Variants in NPAS2 observed in about 807,000 individuals in gnomAD.
The protein encoded by NPAS2 is neuronal PAS domain protein 2, also known as neuronal PAS domain-containing protein 2.
NPAS2 carries 23 observed loss-of-function variants against 107.5 expected under a neutral mutation model. The ratio of observed to expected loss-of-function variants is 0.21; its 90% CI spans 0.15 to 0.30. NPAS2 has a LOEUF of 0.30. NPAS2 is among the 10% of genes least tolerant of loss of function. The pLI is 1.00. For missense variants in NPAS2, 756 were observed against 1,043.3 expected, an observed-to-expected ratio of 0.72 and a Z score of 3.79; for synonymous variants, 403 against 417.5, an observed-to-expected ratio of 0.97 and a Z score of 0.42.
chr2:100,888,967 G>A (rs980269874), intron 1 of NPAS2, among the ~76,000 whole-genome samples: 2 of 152,204 alleles, frequency 1.3e-5, no homozygotes, highest in South Asian at 4.1e-4. Flanking sequence ...AGAAAAATAT[G>A]TACTTCTCTT....
chr2:100,936,658 CA>C, intron 4 of NPAS2, among the ~76,000 whole-genome samples: 1 of 152,254 alleles, frequency 6.6e-6, no homozygotes, highest in Non-Finnish European at 1.5e-5. Context: ...AGCATCCACA[CA>C]AAAATAAATC....
chr2:100,947,837 G>A (rs1461281232), intron 5 of NPAS2, among the ~76,000 whole-genome samples: 1 of 152,238 alleles, frequency 6.6e-6, no homozygotes, highest in Non-Finnish European at 1.5e-5. Flanking sequence ...GTCAGGAAAG[G>A]AACCCTGTGG....
chr2:100,949,495 T>A lies in NPAS2; in HGVS notation c.598+15T>A. ...TTACAACAATGGTAAGCTTTAATTG[T>A]CATATAATTGTGACAGTGTCTTTTC... On this transcript the variant is annotated intron_variant, in intron 7 of 20. Transcript: ENST00000335681. 1 of 1,399,076 alleles carries A rather than the reference T, an allele frequency of 7.1e-7. No homozygotes were observed. The highest frequency in any genetic ancestry group is 1.4e-5 in the African/African-American group (1 of 70,762). 86.7% of individuals were successfully genotyped at this position (1,399,076 alleles called of 1,614,324 possible).
rs1281660230 is a variant in NPAS2, at chr2:100,988,515, C to A, written c.1827+239C>A. 1.1e-5 allele frequency: 6 copies of A among 529,256 alleles called. No individual in the cohort carries two copies. The East Asian group carries it at 1.3e-4, about 11-fold the overall frequency. 32.8% of individuals were successfully genotyped at this position (529,256 alleles called of 1,614,324 possible). A position where few individuals can be genotyped will look rare whatever the true frequency, so the allele number is the denominator to read the frequency against. ...TATAAATGTCCACCTCAGTCCCTTGCTCTCGTGCTTAAAGATATCACTCGG... is the reference window on the plus strand; with the variant it reads ...TATAAATGTCCACCTCAGTCCCTTGATCTCGTGCTTAAAGATATCACTCGG... On this transcript the variant is annotated intron_variant, in intron 17 of 20. Transcript: ENST00000335681.
intron 1 of NPAS2, among the ~76,000 whole-genome samples, chr2:100,882,529 G>A (rs1357181055): frequency 6.6e-6 from 1 of 151,990 alleles, no homozygotes; most frequent in Non-Finnish European, 1.5e-5. Context: ...GGAGAATGGC[G>A]TAAAACCCGG....
intron 1 of NPAS2, among the ~76,000 whole-genome samples, chr2:100,877,445 CAAAAAA>C (rs72050213): frequency 2.5e-5 from 2 of 81,600 alleles, no homozygotes; most frequent in Non-Finnish European, 4.4e-5. Context: ...GACTCCGTCT[CAAAAAA>C]AAAAAAAAAA....
intron 3 of NPAS2, among the ~76,000 whole-genome samples, chr2:100,930,878 T>C (rs570337519): frequency 1.3e-5 from 2 of 152,324 alleles, no homozygotes; most frequent in Non-Finnish European, 2.9e-5. Flanking sequence ...GAAAAACAGT[T>C]AGTCTATAGT....
chr2:100,930,728 G>A (rs547179207), intron 3 of NPAS2, among the ~76,000 whole-genome samples: 9 of 152,134 alleles, frequency 5.9e-5, no homozygotes, highest in African/African-American at 9.6e-5. Flanking sequence ...TTATGCTAGC[G>A]TTAACAAAAT....
intron 15 of NPAS2, among the ~76,000 whole-genome samples, chr2:100,979,480 C>CTCTATATATATATATATATATA (rs1203134584): frequency 1.5e-5 from 1 of 64,808 alleles, no homozygotes; most frequent in African/African-American, 7.9e-5. Context: ...TTAATAATAA[C>CTCTATATATATATATATATATA]TATATATATA....
chr2:100,907,524 C>A (rs1323302181), intron 2 of NPAS2, among the ~76,000 whole-genome samples: 2 of 105,038 alleles, frequency 1.9e-5, no homozygotes, highest in East Asian at 5.1e-4. Context: ...ACACACACAC[C>A]CCTAAGATCG....
chr2:100,896,388 TC>T (rs137934989), intron 1 of NPAS2, among the ~76,000 whole-genome samples: 3,068 of 152,312 alleles, frequency 0.02, 57 homozygotes, highest in African/African-American at 0.025. Flanking sequence ...CAGGGTCTGC[TC>T]TGTCCCCAAG....
intron 17 of NPAS2, chr2:100,988,552 A>G: frequency 2.2e-6 from 1 of 446,778 alleles, no homozygotes; most frequent in East Asian, 4.4e-5. Flanking sequence ...TGAAATGTTC[A>G]CCTTTGATGC....
At chr2:100,960,506 C>T (rs1275157504) in intron 7 of NPAS2, among the ~76,000 whole-genome samples, 5 of 151,806 alleles carry the variant, frequency 3.3e-5, no homozygotes, top group African/African-American at 7.3e-5. Flanking sequence ...CAGAAGACCA[C>T]GCCACGCACC....
Position 100,912,139 on chromosome 2 carries a change from C to T in NPAS2, c.32+7353C>T, listed in dbSNP as rs551111180. On this transcript the variant is annotated intron_variant, in intron 2 of 20. Coordinates refer to ENST00000335681, the MANE Select transcript of NPAS2 (RefSeq NM_002518.4). ...TGTGTGTTCCTTCTACAACCTCAGT[C>T]GTAGGCACTGTGGAGACTACAAAGG... Among the ~76,000 whole-genome samples the T allele has an allele frequency of 4.6e-5, 7 of 152,270 alleles. No individual in the cohort carries two copies. In the South Asian group the frequency reaches 1.0e-3, roughly 23 times the overall value.
At chr2:100,915,768 C>T (rs1197617911) in intron 2 of NPAS2, among the ~76,000 whole-genome samples, 1 of 152,008 alleles carries the variant, frequency 6.6e-6, no homozygotes, top group Non-Finnish European at 1.5e-5. Context: ...GTCAAGAGAC[C>T]TGCTCTGAGA....
chr2:100,891,029 G>A (rs1032928385), intron 1 of NPAS2, among the ~76,000 whole-genome samples: 4 of 152,110 alleles, frequency 2.6e-5, no homozygotes, highest in Non-Finnish European at 5.9e-5. Flanking sequence ...TCAGGAGATC[G>A]AGACCATCCT....
At chr2:100,827,392 G>A (rs531900995) in intron 1 of NPAS2, among the ~76,000 whole-genome samples, 12 of 152,152 alleles carry the variant, frequency 7.9e-5, no homozygotes, top group East Asian at 1.9e-4. Context: ...TAATTTTTTC[G>A]ACTTTTATTT....
At chr2:100,874,855 C>T (rs1196395969) in intron 1 of NPAS2, among the ~76,000 whole-genome samples, 1 of 152,194 alleles carries the variant, frequency 6.6e-6, no homozygotes, top group African/African-American at 2.4e-5. Flanking sequence ...TTCCTCCAGG[C>T]TGTCTCCTAT....
At chr2:100,873,394 A>G (rs2104587898) in intron 1 of NPAS2, among the ~76,000 whole-genome samples, 1 of 148,256 alleles carries the variant, frequency 6.7e-6, no homozygotes, top group East Asian at 2.0e-4. Flanking sequence ...AAATATATAT[A>G]TATTTGAAAA....
Sources: gnomAD v4.1 joint callset for allele counts (sites outside exome capture counted in the v4.1 genomes callset) on GRCh38, gnomAD v4.1.1 for gene constraint, MANE v1.5 for transcripts, NCBI Gene and HGNC (gene_info 2026-07-23, HGNC 2026-07-21) for gene names.